ZRANB3: variants seen among roughly 807,000 people sequenced by gnomAD.
The protein encoded by ZRANB3 is DNA annealing helicase and endonuclease ZRANB3.
Under a neutral mutation model 133.8 loss-of-function variants are expected in ZRANB3, and 125 were observed. The observed-to-expected ratio is 0.93, with a 90% CI of 0.81 to 1.08. ZRANB3 has a LOEUF of 1.08. Ranked by LOEUF, ZRANB3 falls within the 50% of genes least tolerant of loss-of-function variation. ZRANB3 has a pLI of 0.00. For synonymous variants in ZRANB3, 387 were observed against 432.7 expected, an observed-to-expected ratio of 0.89 and a Z score of 1.31; for missense variants, 1,229 against 1,275.5, an observed-to-expected ratio of 0.96 and a Z score of 0.56.
In ZRANB3 at chr2:135,353,556, C is replaced by T. The variant is rs768641936; in HGVS notation, c.253G>A (p.Val85Met). The T allele has an allele frequency of 1.2e-6, 2 of 1,609,210 alleles. No homozygotes were observed. The highest frequency in any genetic ancestry group is 3.3e-5 in the Admixed American group (2 of 59,722). The change falls in exon 4 of 21, where the codon GTG becomes ATG. Residue 85 changes from valine (V) to methionine (M), a missense_variant. Val to Met is a conservative substitution (Grantham distance 21). Coordinates refer to ENST00000264159, the MANE Select transcript of ZRANB3 (RefSeq NM_032143.4). ...GGGTACCTCAGAGACGAAGGGACCA[C>T]TATTAACAGAGGCCATTCCTCTTTA... is the stretch of plus-strand genomic sequence containing the variant. The part of the protein sequence containing the change: ...FYKEEWPLLI[V>M]VPSSLRYPWT...
intron 12 of ZRANB3, among the ~76,000 whole-genome samples, chr2:135,236,038 C>G (rs1162338013): frequency 6.6e-6 from 1 of 152,044 alleles, no homozygotes; most frequent in African/African-American, 2.4e-5. Flanking sequence ...TCTAGAAAAC[C>G]CCATCGTCTC....
intron 6 of ZRANB3, among the ~76,000 whole-genome samples, chr2:135,341,447 TGTCAC>T (rs1684658830): frequency 6.7e-6 from 1 of 150,040 alleles, no homozygotes; most frequent in Non-Finnish European, 1.5e-5. Flanking sequence ...TGAGGATGCA[TGTCAC>T]GTCAGGATCC....
chr2:135,262,179 A>C (rs895838454), intron 12 of ZRANB3, among the ~76,000 whole-genome samples: 2 of 149,298 alleles, frequency 1.3e-5, no homozygotes, highest in African/African-American at 2.5e-5. Flanking sequence ...AAAAAAAAAA[A>C]ACAAAGAAAA....
intron 2 of ZRANB3, among the ~76,000 whole-genome samples, chr2:135,479,480 C>A (rs1186805376): frequency 6.6e-6 from 1 of 151,938 alleles, no homozygotes; most frequent in South Asian, 2.1e-4. Flanking sequence ...TACAAAAATA[C>A]AAAAATTAGC....
chr2:135,462,411 C>T lies in ZRANB3; in HGVS notation c.161+41918G>A, dbSNP rs145288459. ...AAGAGTAGACATATATAAGCACACA[C>T]AGTATTTAAAGCCGTGGCAAATGTA... On this transcript the variant is annotated intron_variant, in intron 2 of 20. Coordinates refer to ENST00000264159, the MANE Select transcript of ZRANB3 (RefSeq NM_032143.4). Among the ~76,000 whole-genome samples, 122 of 152,276 alleles carry T rather than the reference C, an allele frequency of 8.0e-4. 1 individual carries two copies. The highest frequency in any genetic ancestry group is 2.6e-3 in the African/African-American group (108 of 41,554).
At chr2:135,370,165 T>C (rs1326375844) in intron 3 of ZRANB3, among the ~76,000 whole-genome samples, 1 of 151,806 alleles carries the variant, frequency 6.6e-6, no homozygotes, top group Admixed American at 6.6e-5. Context: ...TATTGTTCTA[T>C]AATCTTTTTT....
At chr2:135,208,543 A>C (rs1389270723) in intron 18 of ZRANB3, among the ~76,000 whole-genome samples, 2 of 152,250 alleles carry the variant, frequency 1.3e-5, no homozygotes, top group Non-Finnish European at 2.9e-5. Flanking sequence ...AGAAGAGTTA[A>C]AAGAAAGACT....
intron 6 of ZRANB3, among the ~76,000 whole-genome samples, chr2:135,322,597 A>G (rs903086854): frequency 2.0e-5 from 3 of 152,028 alleles, no homozygotes; most frequent in Non-Finnish European, 2.9e-5. Flanking sequence ...GTGCTCCTGT[A>G]GTCCTCCCTA....
At chr2:135,470,611 C>T (rs1337024665) in intron 2 of ZRANB3, among the ~76,000 whole-genome samples, 5 of 151,412 alleles carry the variant, frequency 3.3e-5, no homozygotes, top group South Asian at 2.1e-4. Context: ...TGCTTGAATT[C>T]GGGAGGCGGA....
chr2:135,238,267 C>T (rs1277517531), intron 12 of ZRANB3, among the ~76,000 whole-genome samples: 1 of 152,194 alleles, frequency 6.6e-6, no homozygotes, highest in East Asian at 1.9e-4. Flanking sequence ...TTCACATGCT[C>T]TTCATACAAT....
At chr2:135,400,146 A>C (rs561104877) in intron 2 of ZRANB3, among the ~76,000 whole-genome samples, 1 of 152,216 alleles carries the variant, frequency 6.6e-6, no homozygotes, top group African/African-American at 2.4e-5. Context: ...AGGCTGAGGC[A>C]GAAGAATTGC....
chr2:135,407,189 G>C (rs1301092205), intron 2 of ZRANB3, among the ~76,000 whole-genome samples: 23 of 152,024 alleles, frequency 1.5e-4, no homozygotes, highest in Admixed American at 1.2e-3. Context: ...CAGACAAACA[G>C]AGAGCCAAAT....
chr2:135,343,664 T>C (rs1234039212), intron 6 of ZRANB3, among the ~76,000 whole-genome samples: 1 of 149,738 alleles, frequency 6.7e-6, no homozygotes, highest in Non-Finnish European at 1.5e-5. Flanking sequence ...TTTTGTAATA[T>C]ATGAAGATTT....
intron 6 of ZRANB3, among the ~76,000 whole-genome samples, chr2:135,337,455 G>A (rs1684417354): frequency 6.6e-6 from 1 of 152,178 alleles, no homozygotes. Flanking sequence ...TGCTTGGAAG[G>A]AAGACGGGGT....
chr2:135,496,947 T>C (rs910861120), intron 2 of ZRANB3, among the ~76,000 whole-genome samples: 3 of 152,208 alleles, frequency 2.0e-5, no homozygotes, highest in African/African-American at 7.2e-5. Flanking sequence ...ATTTCAAGTA[T>C]ATTGAGTGAT....
chr2:135,242,225 T>C (rs556414178), intron 12 of ZRANB3, among the ~76,000 whole-genome samples: 15 of 150,884 alleles, frequency 9.9e-5, no homozygotes, highest in Non-Finnish European at 2.1e-4. Context: ...CAGAGAACAA[T>C]CATGGACATG....
intron 2 of ZRANB3, among the ~76,000 whole-genome samples, chr2:135,449,958 G>C (rs1282232138): frequency 1.3e-5 from 2 of 152,146 alleles, no homozygotes; most frequent in Non-Finnish European, 2.9e-5. Context: ...GGGTCTCACT[G>C]TGTTGTCTAG....
In ZRANB3 at chr2:135,316,920, C is replaced by T. The variant is rs192242299; in HGVS notation, c.678-1390G>A. Among the ~76,000 whole-genome samples the T allele has an allele frequency of 4.1e-5, 6 of 146,760 alleles. No individual in the cohort carries two copies. In the East Asian group the frequency reaches 6.0e-4, roughly 15 times the overall value. ...AGCAGAGGTTGCAGTGAGCCGAGATCGTGCCACTGCACTCCAGCCTGGTGA... is the reference window on the plus strand; with the variant it reads ...AGCAGAGGTTGCAGTGAGCCGAGATTGTGCCACTGCACTCCAGCCTGGTGA... On this transcript the variant is annotated intron_variant, in intron 6 of 20. Coordinates refer to ENST00000264159, the MANE Select transcript of ZRANB3 (RefSeq NM_032143.4).
chr2:135,476,691 CT>C (rs774332012), intron 2 of ZRANB3, among the ~76,000 whole-genome samples: 2,125 of 135,486 alleles, frequency 0.016, 26 homozygotes, highest in African/African-American at 0.045. Flanking sequence ...ATTTCTTTTC[CT>C]TTTTTTTTTT....
Sources: allele counts gnomAD v4.1 joint callset (sites outside exome capture counted in the v4.1 genomes callset), GRCh38; gene constraint gnomAD v4.1.1; transcripts MANE v1.5; gene names NCBI Gene and HGNC (gene_info 2026-07-23, HGNC 2026-07-21).